Variants in ZFR2 observed in about 807,000 individuals in gnomAD.
ZFR2 encodes the protein zinc finger RNA binding protein 2.
In ZFR2, 104 loss-of-function variants were observed where a neutral mutation model predicts 105.7. The observed-to-expected ratio is 0.98, with a 90% CI of 0.84 to 1.16. ZFR2 has a LOEUF of 1.16. ZFR2 is among the 50% of genes most tolerant of loss of function. The pLI, the probability that ZFR2 is intolerant of heterozygous loss-of-function variation, is 0.00. For missense variants in ZFR2, 1,425 were observed against 1,355.5 expected (o/e 1.05, Z -0.80); for synonymous variants, 634 against 597.7 (o/e 1.06, Z -0.89).
At chr19:3,853,146 G>T (rs897217429) in intron 1 of ZFR2, among the ~76,000 whole-genome samples, 1 of 152,160 alleles carries the variant, frequency 6.6e-6, no homozygotes, top group African/African-American at 2.4e-5. Flanking sequence ...GGACAGGCTG[G>T]GGTCCCTGGG....
chr19:3,821,295 G>A, intron 10 of ZFR2, 45 bp downstream of exon 10: 2 of 1,517,896 alleles, frequency 1.3e-6, no homozygotes, highest in South Asian at 2.5e-5. Flanking sequence ...CGCTGGACCT[G>A]CCCTCCCTCA....
Position 3,827,645 on chromosome 19 carries a change from C to T in ZFR2, c.861G>A (p.Arg287=), listed in dbSNP as rs952919212. The T allele has an allele frequency of 3.2e-6, 5 of 1,579,388 alleles. No homozygotes were observed. The highest frequency in any genetic ancestry group is 2.3e-5 in the East Asian group (1 of 42,866). The part of the protein sequence containing the change: ...KISCAGPQTY[R]EHLGGQKHRK... ...TGTGCTTCTGCCCTCCCAGATGTTC[C>T]CGGTAGGTCTGCGGCAAGGGGTGAG... The change falls in exon 6 of 19, where the codon CGG becomes CGA. Residue 287 remains arginine (R), a synonymous_variant. Transcript: ENST00000262961.
chr19:3,825,448 C>A, intron 6 of ZFR2, 41 bp from the exon 7 acceptor site: 1 of 1,527,086 alleles, frequency 6.5e-7, no homozygotes, highest in Non-Finnish European at 8.8e-7. Flanking sequence ...AGGGCCGCTC[C>A]CAGCCTGATG....
chr19:3,863,349 C>T (rs148474727), intron 1 of ZFR2, among the ~76,000 whole-genome samples: 47 of 152,276 alleles, frequency 3.1e-4, no homozygotes, highest in African/African-American at 1.1e-3. Flanking sequence ...TTGAGAGATA[C>T]GGGTTGGGTC....
At chr19:3,859,224 C>T (rs1318767401) in intron 1 of ZFR2, among the ~76,000 whole-genome samples, 1 of 152,186 alleles carries the variant, frequency 6.6e-6, no homozygotes, top group Non-Finnish European at 1.5e-5. Context: ...CTCCTGCCCT[C>T]GAACATCAGA....
chr19:3,825,633 G>A (rs915732126), intron 6 of ZFR2, among the ~76,000 whole-genome samples: 6 of 151,806 alleles, frequency 4.0e-5, no homozygotes, highest in Non-Finnish European at 5.9e-5. Context: ...TCTCTAGCAC[G>A]GTGACACTCC....
chr19:3,811,386 G>A lies in ZFR2; in HGVS notation c.2243-20C>T, dbSNP rs751687096. On this transcript the variant is annotated intron_variant, in intron 14 of 18. Coordinates refer to ENST00000262961, the MANE Select transcript of ZFR2 (RefSeq NM_015174.2). Reference sequence around the variant, plus strand: ...CCACACCTTCTAGAAGAAAAACCTCGAGGTGTGCGGGGAAGGTGCCTCGTC... The same window carrying A: ...CCACACCTTCTAGAAGAAAAACCTCAAGGTGTGCGGGGAAGGTGCCTCGTC... 4.4e-5 allele frequency: 69 copies of A among 1,558,922 alleles called. No individual in the cohort carries two copies. Among genetic ancestry groups the A allele is most frequent in the Middle Eastern group, 1.7e-4 (1 of 5,930 alleles).
rs528529436 is a variant in ZFR2 at position 3,838,076 on chromosome 19, A to G, written c.54-3093T>C. ...ATGACCGTGACACGTGATGAACACC[A>G]TGACCGTGACACGCGATGAACACCG... On this transcript the variant is annotated intron_variant, in intron 1 of 18. Transcript: ENST00000262961. This position sits in a 1 kb window ranked among gnomAD's most constrained non-coding sequence, Gnocchi z 4.9. Among the ~76,000 whole-genome samples, 393 of 145,610 alleles carry G rather than the reference A, an allele frequency of 2.7e-3. 3 individuals are homozygous for G. Among genetic ancestry groups the G allele is most frequent in the African/African-American group, 9.4e-3 (375 of 39,882 alleles).
intron 11 of ZFR2, among the ~76,000 whole-genome samples, chr19:3,819,585 G>A (rs2037866612): frequency 6.6e-6 from 1 of 152,208 alleles, no homozygotes; most frequent in Non-Finnish European, 1.5e-5. Flanking sequence ...CGGGCGCGGT[G>A]GCTCACGCCT....
intron 17 of ZFR2, among the ~76,000 whole-genome samples, chr19:3,808,240 T>C (rs527356828): frequency 6.6e-6 from 1 of 152,206 alleles, no homozygotes; most frequent in East Asian, 1.9e-4. Flanking sequence ...CGTGTGCCCG[T>C]GTGTGCAAGT....
At chr19:3,822,293 T>C in intron 8 of ZFR2, 93 bp from the exon 9 acceptor site, 5 of 1,511,708 alleles carry the variant, frequency 3.3e-6, no homozygotes, top group Non-Finnish European at 2.7e-6. Flanking sequence ...GCCTTCCTCC[T>C]TGCTGCTCAT....
Position 3,805,716 on chromosome 19 carries a change from G to A in ZFR2, c.*233C>T. 1 of 463,134 alleles carries A rather than the reference G, an allele frequency of 2.2e-6. No individual in the cohort carries two copies. The highest frequency in any genetic ancestry group is 4.4e-5 in the South Asian group (1 of 22,798). 28.7% of individuals were successfully genotyped at this position (463,134 alleles called of 1,614,324 possible). On this transcript the variant is annotated 3_prime_UTR_variant, in exon 19 of 19. Coordinates refer to ENST00000262961, the MANE Select transcript of ZFR2 (RefSeq NM_015174.2). ...GATGGGGGTCTCACTCTGTTGTCTGGGCTGGCCTTGAACTCTCAGGCTCAA... is the reference window on the plus strand; with the variant it reads ...GATGGGGGTCTCACTCTGTTGTCTGAGCTGGCCTTGAACTCTCAGGCTCAA...
At chr19:3,859,256 G>A (rs779217570) in intron 1 of ZFR2, among the ~76,000 whole-genome samples, 10 of 152,170 alleles carry the variant, frequency 6.6e-5, no homozygotes, top group Admixed American at 5.2e-4. Context: ...TCAGCTTTTG[G>A]ACTCTTGGGC....
chr19:3,860,526 A>G (rs949927703), intron 1 of ZFR2, among the ~76,000 whole-genome samples: 3 of 152,136 alleles, frequency 2.0e-5, no homozygotes, highest in Non-Finnish European at 4.4e-5. Flanking sequence ...GGGGCGAGCC[A>G]GGTTATGCGG....
chr19:3,818,906 C>A (rs1167984490), intron 12 of ZFR2, 139 bp downstream of exon 12: 1 of 1,087,380 alleles, frequency 9.2e-7, no homozygotes, highest in Admixed American at 2.9e-5. Flanking sequence ...ACTTCCTACT[C>A]CTGGGGCTGG....
rs565832355 is a variant in ZFR2 at position 3,839,851 on chromosome 19, TTTTG to T, written c.54-4872_54-4869del. Among the ~76,000 whole-genome samples, 50 of 152,164 alleles carry T rather than the reference TTTTG, an allele frequency of 3.3e-4. No homozygotes were observed. In the East Asian group the frequency reaches 8.9e-3, roughly 27 times the overall value. On this transcript the variant is annotated intron_variant, in intron 1 of 18. Coordinates refer to ENST00000262961, the MANE Select transcript of ZFR2 (RefSeq NM_015174.2). ...ACTTTTAACTACATATGTATGAAGGTTTTGTTTGTTTGTTTCAGAGACGGGGCTC... is the reference window on the plus strand; with the variant it reads ...ACTTTTAACTACATATGTATGAAGGTTTTGTTTGTTTCAGAGACGGGGCTC...
rs187628150 is a variant in ZFR2, at chr19:3,826,267, G to T, written c.1036-860C>A. Reference sequence around the variant, plus strand: ...GTCCTGAGCCGAGCCAGGGAATGAGGCCCTGGATGAGCCTCCAGGCAGCTG... The same window carrying T: ...GTCCTGAGCCGAGCCAGGGAATGAGTCCCTGGATGAGCCTCCAGGCAGCTG... On this transcript the variant is annotated intron_variant, in intron 6 of 18. Coordinates refer to ENST00000262961, the MANE Select transcript of ZFR2 (RefSeq NM_015174.2). 1.6e-4 allele frequency among the ~76,000 whole-genome samples: 24 copies of T among 152,114 alleles called. No individual in the cohort carries two copies. In the East Asian group the frequency reaches 4.3e-3, roughly 27 times the overall value.
chr19:3,821,291 A>G (rs1430833797), intron 10 of ZFR2, 49 bp downstream of exon 10: 3 of 1,508,970 alleles, frequency 2.0e-6, no homozygotes, highest in Non-Finnish European at 2.7e-6. Flanking sequence ...TCCACGCTGG[A>G]CCTGCCCTCC....
intron 8 of ZFR2, 61 bp from the exon 9 acceptor site, chr19:3,822,261 AC>A: frequency 2.0e-6 from 3 of 1,535,320 alleles, no homozygotes; most frequent in Non-Finnish European, 2.6e-6. Flanking sequence ...GTGAGATGCT[AC>A]CGCTGCCAGG....
Sources: gnomAD v4.1 joint callset for allele counts (sites outside exome capture counted in the v4.1 genomes callset) on GRCh38, gnomAD v4.1.1 for gene constraint, Gnocchi (gnomAD v3.1) non-coding constraint, MANE v1.5 for transcripts, NCBI Gene and HGNC (gene_info 2026-07-23, HGNC 2026-07-21) for gene names.